The following MTX2 variants were observed in gnomAD, a reference collection of about 807,000 sequenced individuals.
MTX2 encodes metaxin 2, also known as metaxin-2.
MTX2 carries 35 observed loss-of-function variants against 42.3 expected under a neutral mutation model. The ratio of observed to expected loss-of-function variants is 0.83; its 90% confidence interval spans 0.63 to 1.10. The LOEUF is 1.10. Among genes scored for constraint, MTX2 ranks in the 50% least tolerant of loss-of-function variants. MTX2 has a pLI of 0.00. For synonymous variants in MTX2, 119 were observed against 100.9 expected (o/e 1.18, Z -1.08); for missense variants, 307 against 304.1 (o/e 1.01, Z -0.07).
At chr2:176,313,388 C>CTTT (rs1207416607) in intron 3 of MTX2, among the ~76,000 whole-genome samples, 2,102 of 103,380 alleles carry the variant, frequency 0.02, 81 homozygotes, top group African/African-American at 0.057. Flanking sequence ...TACACTGATT[C>CTTT]TTTTTTTTTT....
chr2:176,329,205 G>A (rs1242292286), intron 7 of MTX2, 96 bp from the exon 8 acceptor site: 1 of 1,394,710 alleles, frequency 7.2e-7, no homozygotes, highest in Non-Finnish European at 9.6e-7. Flanking sequence ...CTCTATTTAT[G>A]TTCTCTGAAA....
intron 3 of MTX2, among the ~76,000 whole-genome samples, chr2:176,306,139 C>G (rs1160946270): frequency 6.6e-6 from 1 of 151,994 alleles, no homozygotes; most frequent in East Asian, 1.9e-4. Context: ...TGTTCAATTC[C>G]CATCTATGAG....
intron 3 of MTX2, among the ~76,000 whole-genome samples, chr2:176,322,281 A>G (rs575660362): frequency 6.6e-6 from 1 of 152,280 alleles, no homozygotes; most frequent in African/African-American, 2.4e-5. Context: ...TTTCTAATGT[A>G]GAGTTGAGGA....
At chr2:176,332,236 T>G (rs940901839) in intron 9 of MTX2, among the ~76,000 whole-genome samples, 1 of 151,400 alleles carries the variant, frequency 6.6e-6, no homozygotes, top group African/African-American at 2.4e-5. Context: ...TTCGATCATT[T>G]AATTAATACT....
chr2:176,280,109 A>G (rs1335074119), intron 1 of MTX2, among the ~76,000 whole-genome samples: 2 of 152,158 alleles, frequency 1.3e-5, no homozygotes, highest in Non-Finnish European at 2.9e-5. Flanking sequence ...GTTTTTAAAG[A>G]TGGATGTAAG....
intron 3 of MTX2, among the ~76,000 whole-genome samples, chr2:176,300,197 C>T (rs1683988323): frequency 6.6e-6 from 1 of 151,948 alleles, no homozygotes; most frequent in Non-Finnish European, 1.5e-5. Context: ...AGGACTTAAG[C>T]TTATGCTGAC....
intron 6 of MTX2, 57 bp downstream of exon 6, chr2:176,328,442 T>C: frequency 8.8e-7 from 1 of 1,140,966 alleles, no homozygotes. Context: ...TCTCATAAAA[T>C]ATAATCTTTC....
At chr2:176,288,469 A>G (rs1476369367) in intron 1 of MTX2, among the ~76,000 whole-genome samples, 1 of 151,978 alleles carries the variant, frequency 6.6e-6, no homozygotes, top group Admixed American at 6.6e-5. Context: ...TTATATTAGC[A>G]GTATTTGCAT....
In MTX2 at chr2:176,292,501, A is replaced by G. The variant is rs114710720; in HGVS notation, c.41-4359A>G. Among the ~76,000 whole-genome samples the G allele has an allele frequency of 2.9e-3, 438 of 152,298 alleles. 1 individual carries two copies. The highest frequency in any genetic ancestry group is 9.9e-3 in the African/African-American group (410 of 41,560). The stretch of plus-strand genomic sequence containing the variant: ...CTTTGACCTTGGGAAAGAGAAGTGT[A>G]GGGAAGAAGTTGTCTTTTTTTGTCT... On this transcript the variant is annotated intron_variant, in intron 1 of 9. Coordinates refer to ENST00000249442, the MANE Select transcript of MTX2 (RefSeq NM_006554.5).
Position 176,317,949 on chromosome 2 carries a change from A to G in MTX2, c.136-5443A>G, listed in dbSNP as rs73036877. Reference sequence around the variant, plus strand: ...CCTTCTGTGTTACTTGGTGCTTCCAATTTTGGAATCTTCCTAGTTTCTGTG... The same window carrying G: ...CCTTCTGTGTTACTTGGTGCTTCCAGTTTTGGAATCTTCCTAGTTTCTGTG... On this transcript the variant is annotated intron_variant, in intron 3 of 9. Coordinates refer to ENST00000249442, the MANE Select transcript of MTX2 (RefSeq NM_006554.5). Among the ~76,000 whole-genome samples the G allele has an allele frequency of 7.7e-3, 1,175 of 152,036 alleles. 17 individuals are homozygous for G. Among genetic ancestry groups the G allele is most frequent in the African/African-American group, 0.027 (1,136 of 41,456 alleles).
intron 1 of MTX2, among the ~76,000 whole-genome samples, chr2:176,275,744 A>G (rs2105393670): frequency 6.6e-6 from 1 of 152,278 alleles, no homozygotes; most frequent in South Asian, 2.1e-4. Context: ...TTTGGGCTAC[A>G]TGACGGCATT....
intron 7 of MTX2, 149 bp downstream of exon 7, chr2:176,329,061 A>G (rs1440788968): frequency 1.1e-6 from 1 of 876,166 alleles, no homozygotes; most frequent in Non-Finnish European, 1.7e-6. Context: ...GCTTGCACAT[A>G]ACATTTTAGG....
chr2:176,335,531 A>G (rs1185315160), intron 9 of MTX2, among the ~76,000 whole-genome samples: 1 of 152,086 alleles, frequency 6.6e-6, no homozygotes, highest in African/African-American at 2.4e-5. Context: ...AGGCTATCTC[A>G]GTGGTCTAGG....
intron 1 of MTX2, among the ~76,000 whole-genome samples, chr2:176,271,880 A>G (rs942174373): frequency 2.6e-5 from 4 of 152,198 alleles, no homozygotes; most frequent in African/African-American, 4.8e-5. Flanking sequence ...TTGTACACCA[A>G]TCCACCAATT....
chr2:176,282,490 C>G (rs960112958), intron 1 of MTX2, among the ~76,000 whole-genome samples: 2 of 152,016 alleles, frequency 1.3e-5, no homozygotes, highest in Non-Finnish European at 2.9e-5. Context: ...TTCTATCTGG[C>G]ATGCTTTGGA....
chr2:176,317,249 C>T (rs1345694794), intron 3 of MTX2, among the ~76,000 whole-genome samples: 1 of 152,054 alleles, frequency 6.6e-6, no homozygotes, highest in Non-Finnish European at 1.5e-5. Context: ...CTCCCTCTCT[C>T]TACACCCTGA....
intron 9 of MTX2, among the ~76,000 whole-genome samples, chr2:176,331,349 A>G (rs1275728085): frequency 6.6e-6 from 1 of 151,066 alleles, no homozygotes; most frequent in African/African-American, 2.4e-5. Flanking sequence ...AGATGGGCTT[A>G]AAGCATTTTA....
At chr2:176,333,743 A>C (rs1013028203) in intron 9 of MTX2, among the ~76,000 whole-genome samples, 1 of 151,578 alleles carries the variant, frequency 6.6e-6, no homozygotes, top group African/African-American at 2.4e-5. Flanking sequence ...CTGTGTTTAG[A>C]TATGTTTAAA....
chr2:176,297,188 A>G (rs1326047883), intron 2 of MTX2, among the ~76,000 whole-genome samples: 4 of 152,196 alleles, frequency 2.6e-5, no homozygotes, highest in African/African-American at 9.6e-5. Flanking sequence ...TTACTGCACC[A>G]ATAGCTGAGA....
Sources: allele counts gnomAD v4.1 joint callset (sites outside exome capture counted in the v4.1 genomes callset), GRCh38; gene constraint gnomAD v4.1.1; transcripts MANE v1.5; gene names NCBI Gene and HGNC (gene_info 2026-07-23, HGNC 2026-07-21).